The following PARVB variants were observed in gnomAD, a reference collection of about 807,000 sequenced individuals.
PARVB encodes beta-parvin.
PARVB carries 46 observed loss-of-function variants against 47.0 expected under a neutral mutation model. The ratio of observed to expected loss-of-function variants is 0.98; its 90% confidence interval spans 0.77 to 1.25. The LOEUF (loss-of-function observed/expected upper bound fraction) is 1.25, where lower values mean the gene tolerates loss of function less well. PARVB is among the 50% of genes most tolerant of loss of function. PARVB has a pLI of 0.00. For missense variants in PARVB, 473 were observed against 471.6 expected (o/e 1.00, Z -0.03); for synonymous variants, 196 against 196.3 (o/e 1.00, Z 0.01).
chr22:44,119,044 C>G lies in PARVB; in HGVS notation c.280C>G (p.Leu94Val), dbSNP rs1248609232. ...ATGCCTGCGTCTCCTGCAGGTCCTC[C>G]TCGACTGGATTAATGACGTGCTGGT... ...PKFKELVKVL[L>V]DWINDVLVEE... Residue 94 changes from leucine to valine, a missense_variant, in exon 4 of 13, where the codon CTC becomes GTC. Coordinates refer to ENST00000338758, the MANE Select transcript of PARVB (RefSeq NM_013327.5). The G allele has an allele frequency of 3.1e-6, 5 of 1,613,434 alleles. No homozygotes were observed. The Admixed American group carries it at 5.0e-5, about 16-fold the overall frequency.
At chr22:44,056,374 G>A (rs1373034025) in intron 1 of PARVB, among the ~76,000 whole-genome samples, 3 of 152,244 alleles carry the variant, frequency 2.0e-5, no homozygotes, top group Admixed American at 6.5e-5. Flanking sequence ...GCACACACAC[G>A]GATGCAGCGT....
At chr22:44,108,049 A>G (rs1174119265) in intron 3 of PARVB, 1 of 151,678 alleles carries the variant, frequency 6.6e-6, no homozygotes, top group Non-Finnish European at 1.5e-5. Context: ...AATTTTTTGT[A>G]TTTTAGTAGA....
At chr22:44,156,742 T>C (rs2053943766) in intron 10 of PARVB, among the ~76,000 whole-genome samples, 1 of 152,200 alleles carries the variant, frequency 6.6e-6, no homozygotes, top group Admixed American at 6.5e-5. Flanking sequence ...TTTAAATTAA[T>C]TAAAGAGAAA....
chr22:44,021,757 A>ACT (rs201941215), upstream of PARVB, among the ~76,000 whole-genome samples: 2 of 64,948 alleles, frequency 3.1e-5, no homozygotes, highest in Non-Finnish European at 6.0e-5. Context: ...TAAAGTCTAG[A>ACT]CTCACACACA....
chr22:44,140,054 C>T (rs192689841), intron 7 of PARVB, 70 bp from the exon 8 acceptor site: 78 of 1,587,618 alleles, frequency 4.9e-5, no homozygotes, highest in Non-Finnish European at 6.5e-5. Flanking sequence ...CCTCATCCTC[C>T]ATTGTGCTGC....
At chr22:44,069,353 G>A (rs1395787330) in intron 1 of PARVB, among the ~76,000 whole-genome samples, 2 of 152,204 alleles carry the variant, frequency 1.3e-5, no homozygotes, top group Non-Finnish European at 2.9e-5. Context: ...TTGTCTCACT[G>A]CGGCCCCAGA....
chr22:43,999,851 A>C (rs1346293819), intron 2 of PARVB, among the ~76,000 whole-genome samples: 2 of 149,812 alleles, frequency 1.3e-5, no homozygotes, highest in Non-Finnish European at 3.0e-5. Flanking sequence ...AAAAAAAAAA[A>C]AAAAAAACAG....
chr22:44,151,412 A>G (rs1010485505), intron 9 of PARVB, 71 bp from the exon 10 acceptor site: 1 of 1,154,268 alleles, frequency 8.7e-7, no homozygotes, highest in Non-Finnish European at 1.3e-6. Flanking sequence ...GGCAAATGTC[A>G]AGCCTGCCCC....
intron 2 of PARVB, among the ~76,000 whole-genome samples, chr22:44,003,076 C>A (rs1385410125): frequency 6.6e-6 from 1 of 152,128 alleles, no homozygotes; most frequent in African/African-American, 2.4e-5. Context: ...GTACTTCCCC[C>A]GTGCTTTTCA....
At chr22:44,144,943 G>C (rs1040818201) in intron 8 of PARVB, 1 of 151,808 alleles carries the variant, frequency 6.6e-6, no homozygotes, top group Non-Finnish European at 1.5e-5. Context: ...TTGGCCCCCC[G>C]TCTGGCTTCG....
Position 44,169,021 on chromosome 22 carries a change from A to G in PARVB, c.*343A>G, listed in dbSNP as rs2054236493. The G allele has an allele frequency of 4.5e-6, 1 of 221,308 alleles. No individual in the cohort carries two copies. Among genetic ancestry groups the G allele is most frequent in the African/African-American group, 2.3e-5 (1 of 44,316 alleles). 13.7% of individuals were successfully genotyped at this position (221,308 alleles called of 1,614,324 possible). ...AAAGATGAAAAAAAGCCTGAACCCCAACCCCCAGCTGGTTGAGAGCACCCT... is the reference window on the plus strand; with the variant it reads ...AAAGATGAAAAAAAGCCTGAACCCCGACCCCCAGCTGGTTGAGAGCACCCT... On this transcript the variant is annotated 3_prime_UTR_variant, in exon 13 of 13. Coordinates refer to ENST00000338758, the MANE Select transcript of PARVB (RefSeq NM_013327.5).
At chr22:44,119,816 G>A (rs1196119752) in intron 4 of PARVB, 1 of 532,706 alleles carries the variant, frequency 1.9e-6, no homozygotes, top group Non-Finnish European at 3.8e-6. Flanking sequence ...TGTGATGAGG[G>A]CCTTCGGAGA....
chr22:44,072,862 A>G (rs187362042), intron 1 of PARVB, among the ~76,000 whole-genome samples: 221 of 152,286 alleles, frequency 1.5e-3, no homozygotes, highest in Admixed American at 4.6e-3. Flanking sequence ...GTAGGGATAA[A>G]GGACTGGAAC....
At chr22:44,101,644 G>A (rs1055741090) in intron 3 of PARVB, among the ~76,000 whole-genome samples, 5 of 151,066 alleles carry the variant, frequency 3.3e-5, no homozygotes, top group African/African-American at 7.3e-5. Context: ...CTACCTACTC[G>A]GGAGGCTGAG....
intron 1 of PARVB, among the ~76,000 whole-genome samples, chr22:44,050,401 T>A (rs1194353167): frequency 6.6e-6 from 1 of 151,416 alleles, no homozygotes; most frequent in African/African-American, 2.4e-5. Flanking sequence ...TGGAGTGCAA[T>A]GGCGCCATCT....
At chr22:44,114,521 C>A (rs2052811892) in intron 3 of PARVB, 1 of 68,860 alleles carries the variant, frequency 1.5e-5, no homozygotes, top group Admixed American at 1.3e-4. Flanking sequence ...AGGCCCTGTA[C>A]CAACACAGAT....
intron 1 of PARVB, among the ~76,000 whole-genome samples, chr22:44,087,522 G>A (rs2050488436): frequency 1.3e-5 from 2 of 152,122 alleles, no homozygotes; most frequent in Admixed American, 1.3e-4. Flanking sequence ...GGAGCAAGAA[G>A]CTGATCAGCC....
intron 3 of PARVB, chr22:44,110,273 A>C (rs1316923698): frequency 6.6e-6 from 1 of 152,232 alleles, no homozygotes; most frequent in African/African-American, 2.4e-5. Context: ...CTGGGGAGAC[A>C]GACCTGATAA....
intron 2 of PARVB, among the ~76,000 whole-genome samples, chr22:44,095,050 G>A (rs1331939872): frequency 6.8e-6 from 1 of 146,034 alleles, no homozygotes; most frequent in Non-Finnish European, 1.5e-5. Flanking sequence ...AGAGCCCAAG[G>A]AAAGAGGTGG....
Sources: gnomAD v4.1 joint callset for allele counts (sites outside exome capture counted in the v4.1 genomes callset) on GRCh38, gnomAD v4.1.1 for gene constraint, MANE v1.5 for transcripts, NCBI Gene and HGNC (gene_info 2026-07-23, HGNC 2026-07-21) for gene names.